ZNRF3: variants seen among roughly 807,000 people sequenced by gnomAD.
ZNRF3 encodes the protein E3 ubiquitin-protein ligase ZNRF3.
Under a neutral mutation model 72.5 loss-of-function variants are expected in ZNRF3, and 23 were observed. The observed-to-expected ratio is 0.32, with a 90% confidence interval of 0.23 to 0.45. The LOEUF (loss-of-function observed/expected upper bound fraction) is 0.45, where lower values mean the gene tolerates loss of function less well. Ranked by LOEUF, ZNRF3 falls within the 20% of genes least tolerant of loss-of-function variation. The pLI is 1.00. For missense variants in ZNRF3, 1,169 were observed against 1,272.1 expected, an observed-to-expected ratio of 0.92 and a Z score of 1.23; for synonymous variants, 610 against 545.3, an observed-to-expected ratio of 1.12 and a Z score of -1.65.
At chr22:28,932,542 G>A (rs531523997) in intron 1 of ZNRF3, among the ~76,000 whole-genome samples, 7 of 152,228 alleles carry the variant, frequency 4.6e-5, no homozygotes, top group East Asian at 1.9e-4. Flanking sequence ...GTCTTTGTGC[G>A]CATGTCCTTG....
intron 1 of ZNRF3, among the ~76,000 whole-genome samples, chr22:28,974,213 G>A (rs1161729221): frequency 6.6e-6 from 1 of 151,972 alleles, no homozygotes; most frequent in African/African-American, 2.4e-5. Flanking sequence ...CGCCTGCCTC[G>A]GACTCCCAAA....
intron 1 of ZNRF3, among the ~76,000 whole-genome samples, chr22:28,973,457 G>A (rs1305421630): frequency 6.6e-6 from 1 of 152,160 alleles, no homozygotes; most frequent in African/African-American, 2.4e-5. Context: ...ATAAAAGCAG[G>A]ATGGGCAGGA....
At chr22:29,021,873 T>G (rs1209420574) in intron 2 of ZNRF3, among the ~76,000 whole-genome samples, 3 of 152,016 alleles carry the variant, frequency 2.0e-5, no homozygotes, top group African/African-American at 4.8e-5. Flanking sequence ...TTGACCTATA[T>G]GCACACACAC....
intron 2 of ZNRF3, among the ~76,000 whole-genome samples, chr22:28,991,830 G>A (rs1369207173): frequency 1.3e-5 from 2 of 151,692 alleles, no homozygotes; most frequent in Admixed American, 6.6e-5. Flanking sequence ...TTTTGTCTTC[G>A]CCAGTTTTTC....
At position 28,978,634 on chromosome 22, in the gene ZNRF3, G is replaced by A. The variant is rs1427821164; in HGVS notation, c.301-8442G>A. On this transcript the variant is annotated intron_variant, in intron 1 of 8. Coordinates refer to ENST00000544604, the MANE Select transcript of ZNRF3 (RefSeq NM_001206998.2). ...AAAATTTTTGATTAAAATAATTCAC[G>A]TGTCTGTTTATAAAAAGACAAAGCG... Among the ~76,000 whole-genome samples the A allele has an allele frequency of 6.6e-5, 10 of 152,144 alleles. No homozygotes were observed. The East Asian group carries it at 1.2e-3, about 18-fold the overall frequency.
chr22:29,043,487 C>A, intron 4 of ZNRF3, 57 bp downstream of exon 4: 1 of 1,591,014 alleles, frequency 6.3e-7, no homozygotes, highest in South Asian at 1.1e-5. Context: ...CTACCTGTCC[C>A]TTTATTTCCC....
At chr22:28,889,077 T>C (rs563860540) in intron 1 of ZNRF3, among the ~76,000 whole-genome samples, 9 of 151,678 alleles carry the variant, frequency 5.9e-5, no homozygotes, top group Non-Finnish European at 1.3e-4. Flanking sequence ...ATCACACCAC[T>C]GCACTCCGGC....
chr22:28,929,216 T>C, intron 1 of ZNRF3, among the ~76,000 whole-genome samples: 1 of 151,510 alleles, frequency 6.6e-6, no homozygotes, highest in Non-Finnish European at 1.5e-5. Context: ...AAATCAACTA[T>C]TGCTTTTGTT....
At chr22:29,000,648 A>C (rs2036125345) in intron 2 of ZNRF3, among the ~76,000 whole-genome samples, 1 of 152,152 alleles carries the variant, frequency 6.6e-6, no homozygotes, top group Non-Finnish European at 1.5e-5. Context: ...AATACCTGAG[A>C]CTGGGAAATT....
At chr22:28,908,749 A>G (rs2034260148) in intron 1 of ZNRF3, among the ~76,000 whole-genome samples, 1 of 152,204 alleles carries the variant, frequency 6.6e-6, no homozygotes, top group Non-Finnish European at 1.5e-5. Context: ...TGCATTAATA[A>G]TACAATGATA....
intron 1 of ZNRF3, among the ~76,000 whole-genome samples, chr22:28,908,613 G>T (rs2034257248): frequency 6.6e-6 from 1 of 152,112 alleles, no homozygotes; most frequent in Non-Finnish European, 1.5e-5. Context: ...CCATTCCCTG[G>T]ATGTCAAAAC....
chr22:28,945,767 A>G (rs529403246), intron 1 of ZNRF3, among the ~76,000 whole-genome samples: 1 of 151,968 alleles, frequency 6.6e-6, no homozygotes, highest in South Asian at 2.1e-4. Context: ...TGACCTCGTG[A>G]TCTGCCCGCC....
rs960162430 is a variant in ZNRF3 at position 29,049,363 on chromosome 22, C to T, written c.1182C>T (p.Val394=). 3 of 1,613,420 alleles carry T rather than the reference C, an allele frequency of 1.9e-6. No individual in the cohort carries two copies. The highest frequency in any genetic ancestry group is 2.7e-5 in the African/African-American group (2 of 74,910). ...RTSMDSHGNP[V]TLLTMDRHGE... ...GCATGGACTCCCACGGCAACCCCGT[C>T]ACCTTGCTGACCATGGACCGGCACG... Residue 394 remains valine (V), a synonymous_variant, in exon 8 of 9, where the codon GTC becomes GTT. Transcript: ENST00000544604. The surrounding 1 kb of genome is among the most constrained non-coding windows in gnomAD (Gnocchi z 5.2).
intron 1 of ZNRF3, among the ~76,000 whole-genome samples, chr22:28,931,919 G>A (rs5762900): frequency 0.068 from 10,333 of 152,266 alleles, 455 homozygotes; most frequent in East Asian, 0.13. Context: ...CAAAATACAG[G>A]TGAGGTTCCT....
In ZNRF3 at chr22:28,991,998, A is replaced by T. The variant is rs112617728; in HGVS notation, c.426+4797A>T. Among the ~76,000 whole-genome samples the T allele has an allele frequency of 5.2e-3, 790 of 152,016 alleles. 5 individuals carry two copies. The highest frequency in any genetic ancestry group is 0.029 in the South Asian group (137 of 4,796). On this transcript the variant is annotated intron_variant, in intron 2 of 8. Coordinates refer to ENST00000544604, the MANE Select transcript of ZNRF3 (RefSeq NM_001206998.2). Reference sequence around the variant, plus strand: ...TGTCCACAAAAGAATAAAAAAAAAAAAATAATAAGCTGGGCATGGTGGCAC... The same window carrying T: ...TGTCCACAAAAGAATAAAAAAAAAATAATAATAAGCTGGGCATGGTGGCAC...
chr22:29,027,685 T>C (rs1317658170), intron 2 of ZNRF3, among the ~76,000 whole-genome samples: 1 of 152,172 alleles, frequency 6.6e-6, no homozygotes, highest in African/African-American at 2.4e-5. Flanking sequence ...GTATATGAAG[T>C]GTAACATGGT....
At chr22:28,900,702 C>T (rs2034085854) in intron 1 of ZNRF3, among the ~76,000 whole-genome samples, 1 of 152,184 alleles carries the variant, frequency 6.6e-6, no homozygotes, top group African/African-American at 2.4e-5. Context: ...AAGAAACTTA[C>T]TGTTTCAGAA....
At position 29,053,997 on chromosome 22, in the gene ZNRF3, C is replaced by T. The variant is rs1164584937; in HGVS notation, c.*375C>T. On this transcript the variant is annotated 3_prime_UTR_variant, in exon 9 of 9. Transcript: ENST00000544604. ...TATTTTAAAGAACCCTAACTGCCAA[C>T]TTTTGCTGAAAAAGAAAAAAAAATC... is the stretch of plus-strand genomic sequence containing the variant. The T allele has an allele frequency of 2.5e-5, 4 of 156,936 alleles. No individual in the cohort carries two copies. The highest frequency in any genetic ancestry group is 7.2e-5 in the African/African-American group (3 of 41,474). 9.7% of individuals were successfully genotyped at this position (156,936 alleles called of 1,614,324 possible).
intron 2 of ZNRF3, among the ~76,000 whole-genome samples, chr22:29,019,047 A>C (rs1215060036): frequency 6.6e-6 from 1 of 151,426 alleles, no homozygotes; most frequent in South Asian, 2.1e-4. Context: ...CCCTCTCAAC[A>C]TGTGGTCTCT....
Sources: gnomAD v4.1 joint callset for allele counts (sites outside exome capture counted in the v4.1 genomes callset) on GRCh38, gnomAD v4.1.1 for gene constraint, Gnocchi (gnomAD v3.1) non-coding constraint, MANE v1.5 for transcripts, NCBI Gene and HGNC (gene_info 2026-07-23, HGNC 2026-07-21) for gene names.